DENND5A: variants seen among roughly 807,000 people sequenced by gnomAD.
DENND5A encodes DENN domain-containing protein 5A.
Under a neutral mutation model 140.3 loss-of-function variants are expected in DENND5A, and 64 were observed. The ratio of observed to expected loss-of-function variants is 0.46; its 90% confidence interval spans 0.37 to 0.56. The LOEUF is 0.56. DENND5A is among the 20% of genes least tolerant of loss of function. DENND5A has a pLI of 0.00. For synonymous variants in DENND5A, 605 were observed against 607.7 expected, an observed-to-expected ratio of 1.00 and a Z score of 0.07; for missense variants, 1,292 against 1,593.8, an observed-to-expected ratio of 0.81 and a Z score of 3.22.
chr11:9,196,284 C>T (rs892077424), intron 4 of DENND5A, among the ~76,000 whole-genome samples: 1 of 151,932 alleles, frequency 6.6e-6, no homozygotes, highest in Admixed American at 6.6e-5. Context: ...CAGATAAAGA[C>T]ATCAGACTTG....
chr11:9,165,001 GTTC>G (rs1176251816), intron 11 of DENND5A, among the ~76,000 whole-genome samples: 2 of 152,002 alleles, frequency 1.3e-5, no homozygotes, highest in Non-Finnish European at 2.9e-5. Flanking sequence ...TCTCTCTGTT[GTTC>G]TTTTTTTTGT....
chr11:9,215,604 G>T (rs1446856736), intron 1 of DENND5A, among the ~76,000 whole-genome samples: 1 of 148,704 alleles, frequency 6.7e-6, no homozygotes, highest in Non-Finnish European at 1.5e-5. Context: ...CTATAGTGCA[G>T]TGGCACGAAC....
At chr11:9,200,739 T>A (rs1207404455) in intron 4 of DENND5A, among the ~76,000 whole-genome samples, 2 of 152,236 alleles carry the variant, frequency 1.3e-5, no homozygotes, top group Admixed American at 6.5e-5. Flanking sequence ...TCCTTAGTTC[T>A]AACTGACATC....
chr11:9,216,668 A>G (rs1340782590), intron 1 of DENND5A, among the ~76,000 whole-genome samples: 1 of 152,224 alleles, frequency 6.6e-6, no homozygotes, highest in Admixed American at 6.5e-5. Context: ...CTGTAATCCC[A>G]GATAATCAGG....
At chr11:9,220,622 G>A (rs1030038495) in intron 1 of DENND5A, among the ~76,000 whole-genome samples, 1 of 151,794 alleles carries the variant, frequency 6.6e-6, no homozygotes, top group Non-Finnish European at 1.5e-5. Flanking sequence ...CCGGGCACAG[G>A]TGGCTCACAC....
intron 12 of DENND5A, among the ~76,000 whole-genome samples, chr11:9,160,501 T>C (rs1847943562): frequency 6.6e-6 from 1 of 152,232 alleles, no homozygotes; most frequent in South Asian, 2.1e-4. Flanking sequence ...TGCCTCTTTT[T>C]AAAAGTCTGA....
chr11:9,183,134 T>A (rs947670197), intron 5 of DENND5A, among the ~76,000 whole-genome samples: 6 of 152,198 alleles, frequency 3.9e-5, no homozygotes, highest in Non-Finnish European at 8.8e-5. Flanking sequence ...AGGTATAAAT[T>A]ACAGAAGCCT....
At chr11:9,224,972 C>T (rs1365464424) in intron 1 of DENND5A, among the ~76,000 whole-genome samples, 1 of 151,656 alleles carries the variant, frequency 6.6e-6, no homozygotes, top group Non-Finnish European at 1.5e-5. Flanking sequence ...GGTTATAAAA[C>T]AAATCTGCTC....
Position 9,150,100 on chromosome 11 carries a change from A to C in DENND5A, c.2716T>G (p.Ser906Ala), listed in dbSNP as rs1483251199. The change falls in exon 15 of 23, where the codon TCA (serine) becomes GCA (alanine). Residue 906 changes from serine to alanine, a missense_variant. By Grantham distance (99) the Ser-to-Ala change is moderately conservative. Transcript: ENST00000328194. ...CCTTACTTGGTGAGCTCATGGTCTGAGAGGAGCTGCTTCAGGTGTCTGGAA... is the reference window on the plus strand; with the variant it reads ...CCTTACTTGGTGAGCTCATGGTCTGCGAGGAGCTGCTTCAGGTGTCTGGAA... ...LLSRHLKQLL[S>A]DHELTKKLYK... 6.2e-7 allele frequency: 1 copy of C among 1,613,454 alleles called. No individual in the cohort carries two copies.
At chr11:9,202,257 A>T (rs1041589617) in intron 4 of DENND5A, among the ~76,000 whole-genome samples, 1 of 152,206 alleles carries the variant, frequency 6.6e-6, no homozygotes, top group African/African-American at 2.4e-5. Context: ...TGAATAAGGA[A>T]TTTTTTTAAA....
chr11:9,156,218 G>A (rs552080292), intron 12 of DENND5A, among the ~76,000 whole-genome samples: 2 of 152,302 alleles, frequency 1.3e-5, no homozygotes, highest in South Asian at 4.1e-4. Flanking sequence ...GTATCCCTAA[G>A]AGCATTAACG....
chr11:9,202,978 C>A (rs1228136541), intron 4 of DENND5A, among the ~76,000 whole-genome samples: 1 of 152,130 alleles, frequency 6.6e-6, no homozygotes, highest in African/African-American at 2.4e-5. Context: ...TATTTAATCA[C>A]CTCTCTTCTC....
At chr11:9,190,859 C>T (rs575130630) in intron 5 of DENND5A, among the ~76,000 whole-genome samples, 2 of 152,246 alleles carry the variant, frequency 1.3e-5, no homozygotes, top group South Asian at 2.1e-4. Flanking sequence ...ACCCCAAAGT[C>T]GTCTTTCAAA....
intron 1 of DENND5A, among the ~76,000 whole-genome samples, chr11:9,214,184 C>T (rs777454123): frequency 6.6e-6 from 1 of 152,188 alleles, no homozygotes; most frequent in Non-Finnish European, 1.5e-5. Context: ...TAGCATAGTA[C>T]TGCTACCAAC....
chr11:9,170,458 T>C (rs1414306376), intron 9 of DENND5A, among the ~76,000 whole-genome samples, 169 bp downstream of exon 9: 1 of 152,146 alleles, frequency 6.6e-6, no homozygotes, highest in East Asian at 1.9e-4. Flanking sequence ...AGATATTCTG[T>C]CACATACTTT....
chr11:9,189,226 G>C (rs931492553), intron 5 of DENND5A, among the ~76,000 whole-genome samples: 1 of 152,226 alleles, frequency 6.6e-6, no homozygotes, highest in Non-Finnish European at 1.5e-5. Flanking sequence ...GCAAGTACAT[G>C]GAAGTCAAGA....
intron 1 of DENND5A, among the ~76,000 whole-genome samples, chr11:9,254,603 C>G (rs1015127829): frequency 7.9e-5 from 12 of 152,118 alleles, no homozygotes; most frequent in Non-Finnish European, 1.6e-4. Flanking sequence ...AGCAAAGATG[C>G]CTTTTTAAAT....
chr11:9,192,987 A>C (rs1180878444), intron 5 of DENND5A, among the ~76,000 whole-genome samples: 1 of 152,192 alleles, frequency 6.6e-6, no homozygotes, highest in Non-Finnish European at 1.5e-5. Flanking sequence ...CACTTTGGGA[A>C]GCCAAGGCAG....
intron 1 of DENND5A, among the ~76,000 whole-genome samples, chr11:9,220,838 A>G (rs1305352741): frequency 1.3e-5 from 2 of 152,012 alleles, no homozygotes; most frequent in Non-Finnish European, 2.9e-5. Context: ...GGTTGCAGTA[A>G]GCTGAGATCG....
Sources: gnomAD v4.1 joint callset for allele counts (sites outside exome capture counted in the v4.1 genomes callset) on GRCh38, gnomAD v4.1.1 for gene constraint, MANE v1.5 for transcripts, NCBI Gene and HGNC (gene_info 2026-07-23, HGNC 2026-07-21) for gene names.